CDK15: variants seen among roughly 807,000 people sequenced by gnomAD.
CDK15 encodes the protein cyclin-dependent kinase 15.
A neutral mutation model predicts 60.3 loss-of-function variants in CDK15; 62 were observed. That is an observed-to-expected ratio of 1.03 (90% confidence interval 0.84 to 1.27). The LOEUF (loss-of-function observed/expected upper bound fraction) is 1.27, where lower values mean the gene tolerates loss of function less well. CDK15 is among the 50% of genes most tolerant of loss of function. The pLI, the probability that CDK15 is intolerant of heterozygous loss-of-function variation, is 0.00. For synonymous variants in CDK15, 194 were observed against 195.7 expected (o/e 0.99, Z 0.07); for missense variants, 541 against 527.8 (o/e 1.03, Z -0.25).
chr2:201,808,656 G>A (rs1695621073), intron 3 of CDK15: 1 of 151,988 alleles, frequency 6.6e-6, no homozygotes, highest in Non-Finnish European at 1.5e-5. Context: ...GCTCAATAGT[G>A]GTTAAATATT....
chr2:201,892,802 T>C (rs1268316306), intron 13 of CDK15, among the ~76,000 whole-genome samples: 6 of 152,248 alleles, frequency 3.9e-5, no homozygotes. Flanking sequence ...ATTGAATTTA[T>C]GTTAAAATAT....
rs980909131 is a variant in CDK15, at chr2:201,882,846, C to T, written c.1198+2679C>T. Among the ~76,000 whole-genome samples the T allele has an allele frequency of 2.6e-5, 4 of 152,200 alleles. No homozygotes were observed. Among genetic ancestry groups the T allele is most frequent in the Non-Finnish European group, 5.9e-5 (4 of 68,034 alleles). On this transcript the variant is annotated intron_variant, in intron 12 of 13. Transcript: ENST00000652192. This position sits in a 1 kb window ranked among gnomAD's most constrained non-coding sequence, Gnocchi z 4.0. ...TTTGTGCACCTTCGTGACAGTGGCTCTCACCACCAGCACATTATCTACTAA... is the reference window on the plus strand; with the variant it reads ...TTTGTGCACCTTCGTGACAGTGGCTTTCACCACCAGCACATTATCTACTAA...
chr2:201,835,209 C>T (rs775154706), intron 7 of CDK15, among the ~76,000 whole-genome samples: 29 of 152,146 alleles, frequency 1.9e-4, no homozygotes, highest in Non-Finnish European at 3.2e-4. Context: ...TGTATGGTGG[C>T]CCCATGCTAT....
chr2:201,845,183 C>A (rs1187838729), intron 8 of CDK15, among the ~76,000 whole-genome samples: 1 of 151,504 alleles, frequency 6.6e-6, no homozygotes, highest in Non-Finnish European at 1.5e-5. Flanking sequence ...GCAATAAAAA[C>A]AACCTGTTGC....
intron 9 of CDK15, among the ~76,000 whole-genome samples, chr2:201,853,928 G>T (rs553022522): frequency 1.1e-4 from 16 of 152,110 alleles, no homozygotes; most frequent in Non-Finnish European, 2.9e-5. Context: ...TTGGGAGGCC[G>T]AGGTGGGCAG....
intron 10 of CDK15, among the ~76,000 whole-genome samples, chr2:201,868,081 C>T (rs1295753369): frequency 1.3e-5 from 2 of 152,142 alleles, no homozygotes; most frequent in Non-Finnish European, 2.9e-5. Context: ...GAAATCAAGT[C>T]AGACTTAGAG....
At chr2:201,823,882 GT>G (rs1553521411) in intron 6 of CDK15, among the ~76,000 whole-genome samples, 155 bp downstream of exon 6, 3 of 150,774 alleles carry the variant, frequency 2.0e-5, no homozygotes, top group Admixed American at 2.0e-4. Flanking sequence ...TTTCGTTTTT[GT>G]TTTTTTTTAA....
At chr2:201,811,917 A>G (rs1323298071) in intron 3 of CDK15, among the ~76,000 whole-genome samples, 2 of 152,180 alleles carry the variant, frequency 1.3e-5, no homozygotes, top group Non-Finnish European at 2.9e-5. Context: ...TCGTGCCTGT[A>G]ATCCCAGCAC....
chr2:201,816,465 T>A (rs1028641373), intron 4 of CDK15, among the ~76,000 whole-genome samples: 1 of 147,582 alleles, frequency 6.8e-6, no homozygotes, highest in Admixed American at 6.7e-5. Flanking sequence ...GTTTTTTTTT[T>A]TTTTTTTTTT....
At chr2:201,877,408 C>T (rs192118884) in intron 11 of CDK15, among the ~76,000 whole-genome samples, 207 of 152,212 alleles carry the variant, frequency 1.4e-3, no homozygotes, top group Middle Eastern at 3.4e-3. Context: ...TTGCTCCCCA[C>T]CACCTACCCG....
At position 201,836,058 on chromosome 2, in the gene CDK15, T is replaced by TTTA. The variant is rs1445180792; in HGVS notation, c.851+296_851+297insTAT. On this transcript the variant is annotated intron_variant, in intron 8 of 13. Transcript: ENST00000652192. ...TATTTTATATATATTTATATATATA[T>TTTA]TATATATATTTATATTTATATATAT... Among the ~76,000 whole-genome samples the TTTA allele has an allele frequency of 3.4e-3, 329 of 95,972 alleles. 2 individuals carry two copies. Among genetic ancestry groups the TTTA allele is most frequent in the African/African-American group, 0.012 (251 of 20,482 alleles). 63.0% of individuals were successfully genotyped at this position (95,972 alleles called of 152,430 possible).
In CDK15 at chr2:201,833,904, T is replaced by C; in HGVS notation, c.663T>C (p.Leu221=). ...CGTACATCCACCACCAACACGTTCT[T>C]CACAGGGACCTGAAACCTCAGAACT... The part of the protein sequence containing the change: ...GLAYIHHQHV[L]HRDLKPQNLL... The change falls in exon 7 of 14, where the codon CTT becomes CTC. Residue 221 remains leucine (L), a synonymous_variant. Transcript: ENST00000652192. 1 of 1,614,018 alleles carries C rather than the reference T, an allele frequency of 6.2e-7. No individual in the cohort carries two copies. The highest frequency in any genetic ancestry group is 8.5e-7 in the Non-Finnish European group (1 of 1,179,974).
rs142416956 is a variant in CDK15 at position 201,835,652 on chromosome 2, G to A, written c.740G>A (p.Arg247Gln). ...ELKLADFGLA[R>Q]AKSIPSQTYS... ...TTTCCCTTTTGGACAGGTCTTGCCC[G>A]GGCCAAGTCCATTCCCAGCCAGACA... The change falls in exon 8 of 14, where the codon CGG (arginine) becomes CAG (glutamine). Residue 247 changes from arginine to glutamine, a missense_variant. Arg to Gln is a conservative substitution (Grantham distance 43, BLOSUM62 1). Coordinates refer to ENST00000652192, the MANE Select transcript of CDK15 (RefSeq NM_001366386.2). 9.3e-6 allele frequency: 15 copies of A among 1,605,804 alleles called. No homozygotes were observed. The highest frequency in any genetic ancestry group is 6.7e-5 in the African/African-American group (5 of 74,654).
intron 10 of CDK15, among the ~76,000 whole-genome samples, chr2:201,867,118 A>G (rs1321131968): frequency 6.6e-5 from 10 of 152,182 alleles, no homozygotes. Flanking sequence ...GAACAAACAT[A>G]TTAAGTATGT....
At chr2:201,833,223 T>G (rs891730959) in intron 6 of CDK15, among the ~76,000 whole-genome samples, 20 of 147,970 alleles carry the variant, frequency 1.4e-4, no homozygotes, top group Admixed American at 1.1e-3. Flanking sequence ...GGGGGGGGTC[T>G]AACTTATTTT....
At chr2:201,848,426 T>C (rs1388209019) in intron 9 of CDK15, among the ~76,000 whole-genome samples, 1 of 152,122 alleles carries the variant, frequency 6.6e-6, no homozygotes, top group African/African-American at 2.4e-5. Flanking sequence ...CCTCCTTAAG[T>C]GTACAGCTTG....
chr2:201,809,343 A>G (rs377163525), intron 3 of CDK15, among the ~76,000 whole-genome samples: 5 of 152,142 alleles, frequency 3.3e-5, no homozygotes, highest in African/African-American at 1.2e-4. Flanking sequence ...TAGTTACTTT[A>G]TGTTTTCTTT....
At chr2:201,865,852 T>G (rs1040246465) in intron 10 of CDK15, among the ~76,000 whole-genome samples, 2 of 126,364 alleles carry the variant, frequency 1.6e-5, no homozygotes, top group Non-Finnish European at 3.1e-5. Flanking sequence ...ATCGTGCCAC[T>G]GCACTCCAGC....
In CDK15 at chr2:201,872,670, G is replaced by C. The variant is rs201563683; in HGVS notation, c.1058+344G>C. Among the ~76,000 whole-genome samples the C allele has an allele frequency of 3.7e-4, 56 of 151,688 alleles. No homozygotes were observed. The East Asian group carries it at 7.8e-3, about 21-fold the overall frequency. ...ATAACATCATTGAGTGGCTATTGGAGGGGGGGCAACTTGATTCATGGGGGT... is the reference window on the plus strand; with the variant it reads ...ATAACATCATTGAGTGGCTATTGGACGGGGGGCAACTTGATTCATGGGGGT... On this transcript the variant is annotated intron_variant, in intron 11 of 13. Coordinates refer to ENST00000652192, the MANE Select transcript of CDK15 (RefSeq NM_001366386.2).
Sources: allele counts gnomAD v4.1 joint callset (sites outside exome capture counted in the v4.1 genomes callset), GRCh38; gene constraint gnomAD v4.1.1; non-coding constraint Gnocchi (gnomAD v3.1); transcripts MANE v1.5; gene names NCBI Gene and HGNC (gene_info 2026-07-23, HGNC 2026-07-21).